The following CAST variants were observed in gnomAD, a reference collection of about 807,000 sequenced individuals.
CAST encodes calpastatin.
In CAST, 76 loss-of-function variants were observed where a neutral mutation model predicts 119.6. That is an observed-to-expected ratio of 0.64 (90% CI 0.53 to 0.77). The LOEUF (loss-of-function observed/expected upper bound fraction) is 0.77. CAST is among the 30% of genes least tolerant of loss of function. CAST has a pLI of 0.00. For missense variants in CAST, 953 were observed against 946.5 expected (o/e 1.01, Z -0.09); for synonymous variants, 319 against 331.6 (o/e 0.96, Z 0.41).
intron 1 of CAST, among the ~76,000 whole-genome samples, chr5:96,594,027 T>C (rs1013294535): frequency 6.6e-6 from 1 of 152,244 alleles, no homozygotes; most frequent in Non-Finnish European, 1.5e-5. Context: ...GCACCCACAA[T>C]GCAGGAGAGT....
At chr5:96,735,404 A>G (rs1761424898) in intron 9 of CAST, among the ~76,000 whole-genome samples, 1 of 152,174 alleles carries the variant, frequency 6.6e-6, no homozygotes, top group African/African-American at 2.4e-5. Flanking sequence ...AACTTCACCC[A>G]TTTAGTTTCT....
chr5:96,262,077 A>G, the CAST span, among the ~76,000 whole-genome samples: 2 of 152,386 alleles, frequency 1.3e-5, no homozygotes, highest in Admixed American at 1.3e-4. Flanking sequence ...TAAAGCCTGC[A>G]CTTGAAGTTT....
At chr5:96,369,205 T>C in the CAST span, among the ~76,000 whole-genome samples, 1 of 152,042 alleles carries the variant, frequency 6.6e-6, no homozygotes, top group Admixed American at 6.5e-5. Flanking sequence ...AAATAAATTT[T>C]ACTTAGTTCT....
chr5:96,491,527 T>TAAAAAAAAAAAAAAAAA, the CAST span, among the ~76,000 whole-genome samples: 2 of 106,164 alleles, frequency 1.9e-5, no homozygotes, highest in East Asian at 3.1e-4. Context: ...AAAAAAAAAT[T>TAAAAAAAAAAAAAAAAA]AAAAAGACCA....
the CAST span, among the ~76,000 whole-genome samples, chr5:96,189,618 G>A: frequency 6.6e-6 from 1 of 152,076 alleles, no homozygotes; most frequent in Non-Finnish European, 1.5e-5. Flanking sequence ...CCTATTGGTT[G>A]AGCATTGAAC....
At chr5:96,649,431 T>C (rs760692112) in intron 1 of CAST, among the ~76,000 whole-genome samples, 15 of 152,220 alleles carry the variant, frequency 9.9e-5, no homozygotes, top group Non-Finnish European at 1.9e-4. Flanking sequence ...GAGACAGCCC[T>C]GGGAATGTAA....
the CAST span, among the ~76,000 whole-genome samples, chr5:96,465,883 G>A: frequency 0.031 from 4,727 of 152,082 alleles, 221 homozygotes; most frequent in African/African-American, 0.1. Flanking sequence ...AGCCATATAT[G>A]TACATAGATC....
the CAST span, among the ~76,000 whole-genome samples, chr5:96,009,246 A>G: frequency 6.6e-6 from 1 of 152,182 alleles, no homozygotes; most frequent in Non-Finnish European, 1.5e-5. Flanking sequence ...CGTCTTTGCT[A>G]TTGTGAATAG....
chr5:96,705,345 GAAAA>G (rs557383702), intron 3 of CAST, among the ~76,000 whole-genome samples: 2 of 149,394 alleles, frequency 1.3e-5, no homozygotes, highest in Non-Finnish European at 3.0e-5. Context: ...AGAAAAAAAA[GAAAA>G]AAAAAGAATT....
chr5:96,464,402 T>A, the CAST span, among the ~76,000 whole-genome samples: 1 of 152,062 alleles, frequency 6.6e-6, no homozygotes, highest in Non-Finnish European at 1.5e-5. Context: ...TTTAATTGAA[T>A]TCAAGGTCCA....
At chr5:96,214,216 G>T in the CAST span, among the ~76,000 whole-genome samples, 1 of 152,106 alleles carries the variant, frequency 6.6e-6, no homozygotes, top group Non-Finnish European at 1.5e-5. Context: ...TATGTAAATT[G>T]GTAAATATTT....
chr5:96,341,162 T>G, the CAST span, among the ~76,000 whole-genome samples: 1 of 152,202 alleles, frequency 6.6e-6, no homozygotes, highest in East Asian at 1.9e-4. Flanking sequence ...GAAGGAATTA[T>G]TTGCACTTTA....
At chr5:96,205,784 G>A in the CAST span, among the ~76,000 whole-genome samples, 1 of 152,118 alleles carries the variant, frequency 6.6e-6, no homozygotes, top group Admixed American at 6.6e-5. Flanking sequence ...ACATACATGT[G>A]CATATGTCTT....
chr5:96,473,408 A>G, the CAST span, among the ~76,000 whole-genome samples: 1 of 152,252 alleles, frequency 6.6e-6, no homozygotes, highest in African/African-American at 2.4e-5. Flanking sequence ...CTGACAATAA[A>G]TTATATCACA....
At chr5:96,351,238 T>C in the CAST span, among the ~76,000 whole-genome samples, 3,791 of 152,284 alleles carry the variant, frequency 0.025, 157 homozygotes, top group African/African-American at 0.086. Context: ...AACTGTTTAC[T>C]AATATTCAGT....
At chr5:96,019,174 C>T in the CAST span, among the ~76,000 whole-genome samples, 5 of 152,166 alleles carry the variant, frequency 3.3e-5, no homozygotes, top group Admixed American at 3.3e-4. Context: ...ATTAACACTT[C>T]CCGGTGATAT....
chr5:96,566,307 T>C (rs1212233360), intron 1 of CAST, among the ~76,000 whole-genome samples: 1 of 152,198 alleles, frequency 6.6e-6, no homozygotes, highest in Admixed American at 6.5e-5. Context: ...ACTTGTTGAT[T>C]CCATTGTTCC....
At chr5:95,981,696 A>G in the CAST span, among the ~76,000 whole-genome samples, 1 of 152,164 alleles carries the variant, frequency 6.6e-6, no homozygotes, top group Admixed American at 6.5e-5. Flanking sequence ...CAACATAGTG[A>G]AACCCCATCT....
the CAST span, among the ~76,000 whole-genome samples, chr5:96,307,762 G>C: frequency 2.6e-5 from 4 of 152,194 alleles, no homozygotes; most frequent in African/African-American, 4.8e-5. Context: ...TTTTCTTTAA[G>C]AATGTTGAAT....
Sources: gnomAD v4.1 joint callset for allele counts (sites outside exome capture counted in the v4.1 genomes callset) on GRCh38, gnomAD v4.1.1 for gene constraint, MANE v1.5 for transcripts, NCBI Gene and HGNC (gene_info 2026-07-23, HGNC 2026-07-21) for gene names.